SV2C: variants seen among roughly 807,000 people sequenced by gnomAD.
The protein encoded by SV2C is solute carrier family 22 member B3.
SV2C carries 49 observed loss-of-function variants against 79.7 expected under a neutral mutation model. That is an observed-to-expected ratio of 0.61 (90% CI 0.49 to 0.78). The LOEUF (loss-of-function observed/expected upper bound fraction) is 0.78. Among genes scored for constraint, SV2C ranks in the 30% least tolerant of loss-of-function variants. The pLI, the probability that SV2C is intolerant of heterozygous loss-of-function variation, is 0.00. For synonymous variants in SV2C, 334 were observed against 333.2 expected, an observed-to-expected ratio of 1.00 and a Z score of -0.03; for missense variants, 833 against 912.9, an observed-to-expected ratio of 0.91 and a Z score of 1.13.
intron 5 of SV2C, 102 bp downstream of exon 5, chr5:76,285,397 T>TC: frequency 1.3e-6 from 2 of 1,496,850 alleles, no homozygotes; most frequent in Non-Finnish European, 1.8e-6. Context: ...AGGTACATTT[T>TC]CCCTTCCTAT....
At chr5:75,944,309 TG>T in the SV2C span, among the ~76,000 whole-genome samples, 21 of 152,222 alleles carry the variant, frequency 1.4e-4, no homozygotes, top group Admixed American at 3.9e-4. Context: ...GTTGTCTTTT[TG>T]GCCTAATCCT....
chr5:75,858,610 G>A, the SV2C span, among the ~76,000 whole-genome samples: 1 of 152,170 alleles, frequency 6.6e-6, no homozygotes, highest in Non-Finnish European at 1.5e-5. Context: ...GTAATACTCA[G>A]CTCATAGAAT....
chr5:75,895,254 C>T, the SV2C span, among the ~76,000 whole-genome samples: 1 of 151,974 alleles, frequency 6.6e-6, no homozygotes, highest in Admixed American at 6.6e-5. Context: ...AATTATATAA[C>T]ATTGAAATAA....
chr5:75,962,036 G>A, the SV2C span, among the ~76,000 whole-genome samples: 1 of 152,062 alleles, frequency 6.6e-6, no homozygotes, highest in Non-Finnish European at 1.5e-5. Flanking sequence ...CATTAGCAGT[G>A]ACACAGCCCA....
intron 2 of SV2C, among the ~76,000 whole-genome samples, chr5:76,162,844 A>G (rs1192416628): frequency 6.6e-6 from 1 of 152,160 alleles, no homozygotes; most frequent in Non-Finnish European, 1.5e-5. Flanking sequence ...AGGGTTTTCC[A>G]AACTGGATTT....
intron 4 of SV2C, among the ~76,000 whole-genome samples, chr5:76,254,439 C>T (rs995632937): frequency 1.4e-4 from 21 of 152,082 alleles, no homozygotes; most frequent in Non-Finnish European, 5.9e-5. Context: ...GCAAACATTA[C>T]TCAAACCTCC....
intron 4 of SV2C, among the ~76,000 whole-genome samples, chr5:76,284,121 T>C (rs35930860): frequency 0.096 from 14,637 of 152,252 alleles, 729 homozygotes; most frequent in Admixed American, 0.14. Flanking sequence ...TTATTTCTCA[T>C]TTAGAACCAG....
chr5:76,209,626 TG>T, intron 3 of SV2C, 109 bp from the exon 4 acceptor site: 1 of 1,041,348 alleles, frequency 9.6e-7, no homozygotes, highest in Non-Finnish European at 1.4e-6. Context: ...GTTGATATGC[TG>T]GGATAGGGAG....
At chr5:76,091,480 A>C (rs1747373377) in intron 1 of SV2C, among the ~76,000 whole-genome samples, 1 of 152,162 alleles carries the variant, frequency 6.6e-6, no homozygotes, top group Non-Finnish European at 1.5e-5. Flanking sequence ...CCTTGGTTCC[A>C]GTGTTGTGGA....
At chr5:76,207,243 GACATACAAT>G (rs1744634897) in intron 3 of SV2C, among the ~76,000 whole-genome samples, 1 of 152,042 alleles carries the variant, frequency 6.6e-6, no homozygotes, top group Non-Finnish European at 1.5e-5. Flanking sequence ...GGCATATCCT[GACATACAAT>G]AGTGCCTTCA....
chr5:75,926,361 G>T, the SV2C span, among the ~76,000 whole-genome samples: 2 of 152,158 alleles, frequency 1.3e-5, no homozygotes, highest in African/African-American at 2.4e-5. Context: ...AGACAGGAGG[G>T]ATTTGGGACA....
the SV2C span, among the ~76,000 whole-genome samples, chr5:75,890,393 A>G: frequency 6.6e-6 from 1 of 152,124 alleles, no homozygotes; most frequent in African/African-American, 2.4e-5. Flanking sequence ...CAGAGTGGGG[A>G]CAAAGCCTAG....
At chr5:75,970,240 A>T in the SV2C span, among the ~76,000 whole-genome samples, 5 of 152,194 alleles carry the variant, frequency 3.3e-5, no homozygotes, top group East Asian at 1.9e-4. Flanking sequence ...TAAAATTGAC[A>T]CTCTAAAATC....
chr5:76,306,438 T>C (rs899442430), intron 12 of SV2C, among the ~76,000 whole-genome samples: 3 of 152,212 alleles, frequency 2.0e-5, no homozygotes, highest in Non-Finnish European at 4.4e-5. Flanking sequence ...TCTTTACTTA[T>C]ACCTTATATT....
intron 1 of SV2C, among the ~76,000 whole-genome samples, chr5:76,115,205 C>T (rs528758893): frequency 6.6e-6 from 1 of 152,184 alleles, no homozygotes; most frequent in Non-Finnish European, 1.5e-5. Context: ...ATATGGATGG[C>T]GTGACTGCTT....
intron 1 of SV2C, among the ~76,000 whole-genome samples, chr5:76,103,556 A>G (rs1218055586): frequency 1.3e-5 from 2 of 152,212 alleles, no homozygotes; most frequent in African/African-American, 4.8e-5. Flanking sequence ...ATGTCAGCCT[A>G]TGGCACATAA....
At chr5:76,344,673 C>T (rs944596542) in intron 12 of SV2C, among the ~76,000 whole-genome samples, 1 of 152,158 alleles carries the variant, frequency 6.6e-6, no homozygotes, top group African/African-American at 2.4e-5. Flanking sequence ...TGTACCATTG[C>T]ACTCCAGCCT....
intron 1 of SV2C, among the ~76,000 whole-genome samples, chr5:76,112,593 C>T (rs1277917600): frequency 6.6e-6 from 1 of 152,036 alleles, no homozygotes; most frequent in Non-Finnish European, 1.5e-5. Context: ...AGAAGGGACT[C>T]TGAGGGACAA....
In SV2C at chr5:76,325,480, C is replaced by T. The variant is rs754305533; in HGVS notation, c.2117C>T (p.Thr706Ile). The stretch of plus-strand genomic sequence containing the variant: ...TCAATCCCCATCCTGCTGGCTTCTA[C>T]TGTGCTCGTGTGTGGAGGACTCGTT... ...TKSIPILLASTVLVCGGLVGL... is the reference protein window; with the variant it reads ...TKSIPILLASIVLVCGGLVGL... Residue 706 changes from threonine to isoleucine, a missense_variant, in exon 13 of 13, where the codon ACT becomes ATT. Transcript: ENST00000502798. 1 of 1,614,196 alleles carries T rather than the reference C, an allele frequency of 6.2e-7. No homozygotes were observed. The highest frequency in any genetic ancestry group is 1.1e-5 in the South Asian group (1 of 91,078).
Sources: allele counts gnomAD v4.1 joint callset (sites outside exome capture counted in the v4.1 genomes callset), GRCh38; gene constraint gnomAD v4.1.1; transcripts MANE v1.5; gene names NCBI Gene and HGNC (gene_info 2026-07-23, HGNC 2026-07-21).